The following TLE2 variants were observed in gnomAD, a reference collection of about 807,000 sequenced individuals.
The protein encoded by TLE2 is transducin-like enhancer protein 2.
A neutral mutation model predicts 97.2 loss-of-function variants in TLE2; 74 were observed. The ratio of observed to expected loss-of-function variants is 0.76; its 90% CI spans 0.63 to 0.92. The LOEUF (loss-of-function observed/expected upper bound fraction) is 0.92. TLE2 is among the 40% of genes least tolerant of loss of function. TLE2 has a pLI of 0.00. For missense variants in TLE2, 1,038 were observed against 1,008.7 expected (o/e 1.03, Z -0.39); for synonymous variants, 499 against 432.1 (o/e 1.15, Z -1.92).
At chr19:3,023,305 G>C (rs2089882427) in intron 5 of TLE2, among the ~76,000 whole-genome samples, 1 of 152,120 alleles carries the variant, frequency 6.6e-6, no homozygotes, top group African/African-American at 2.4e-5. Flanking sequence ...CAAAGTGCTG[G>C]GATTACAGGC....
chr19:3,008,455 C>CTT (rs34168841), intron 14 of TLE2, among the ~76,000 whole-genome samples: 20,163 of 143,332 alleles, frequency 0.14, 1,647 homozygotes, highest in East Asian at 0.25. Flanking sequence ...TTTCTTTTTT[C>CTT]TTTTTTTTTT....
At chr19:3,004,478 C>A (rs1223925064) in intron 17 of TLE2, among the ~76,000 whole-genome samples, 5 of 151,768 alleles carry the variant, frequency 3.3e-5, no homozygotes, top group Non-Finnish European at 7.4e-5. Context: ...TCTCTACCGA[C>A]AAATACAAAA....
intron 13 of TLE2, 97 bp from the exon 14 acceptor site, chr19:3,009,042 C>A (rs148411576): frequency 3.0e-5 from 29 of 966,476 alleles, no homozygotes; most frequent in Non-Finnish European, 4.4e-5. Flanking sequence ...CTGTTTATCA[C>A]CCCTCCCCAA....
At chr19:3,008,823 G>C in intron 14 of TLE2, 46 bp downstream of exon 14, 1 of 1,459,260 alleles carries the variant, frequency 6.9e-7, no homozygotes, top group Non-Finnish European at 9.2e-7. Flanking sequence ...AGGAGGTGGG[G>C]GGCTGGCCCG....
At chr19:3,013,330 G>A (rs564109829) in intron 11 of TLE2, among the ~76,000 whole-genome samples, 1 of 152,138 alleles carries the variant, frequency 6.6e-6, no homozygotes, top group Non-Finnish European at 1.5e-5. Flanking sequence ...ACACATGCAG[G>A]CCTGAGTCCA....
upstream of TLE2, among the ~76,000 whole-genome samples, chr19:3,030,673 C>T (rs1187710848): frequency 6.6e-6 from 1 of 152,130 alleles, no homozygotes; most frequent in Non-Finnish European, 1.5e-5. Context: ...CCTGTAGCTC[C>T]AGCACTTTGG....
chr19:3,008,936 C>A lies in TLE2; in HGVS notation c.1183G>T (p.Glu395Ter). 6.3e-7 allele frequency: 1 copy of A among 1,589,666 alleles called. No homozygotes were observed. The highest frequency in any genetic ancestry group is 8.6e-7 in the Non-Finnish European group (1 of 1,168,160). ...VYGRSPVMAF[E>*]SHPHLRGSSV... is the part of the protein sequence containing the mutation. ...GACCCTCGGAGATGGGGATGAGACT[C>A]AAATGCCATCTGTGAGAATGCCAGG... is the stretch of plus-strand genomic sequence containing the variant. Residue 395 changes from glutamate to a stop codon, truncating the protein, a stop_gained, in exon 14 of 20, where the codon GAG becomes TAG. Transcript: ENST00000262953. LOFTEE classifies it high-confidence loss of function.
intron 1 of TLE2, among the ~76,000 whole-genome samples, chr19:3,045,485 G>A (rs2090134893): frequency 6.6e-6 from 1 of 152,120 alleles, no homozygotes; most frequent in South Asian, 2.1e-4. Flanking sequence ...TCCCCCACCA[G>A]TCAGTGAGTC....
In TLE2 at chr19:3,009,707, G is replaced by A. The variant is rs369725523; in HGVS notation, c.1013-5C>T. 1.2e-4 allele frequency: 196 copies of A among 1,608,162 alleles called. No individual in the cohort carries two copies. In the African/African-American group the frequency reaches 1.7e-3, roughly 14 times the overall value. On this transcript the variant is annotated splice_region_variant and splice_polypyrimidine_tract_variant and intron_variant, in intron 12 of 19. Coordinates refer to ENST00000262953, the MANE Select transcript of TLE2 (RefSeq NM_003260.5). ...GAGTCAGGGGGCTCCTCAGGGCTGA[G>A]ACGGAAGAGTCGGGGACAGGTTTTG...
chr19:3,015,625 TC>T (rs1398136819), intron 9 of TLE2, 27 bp downstream of exon 9: 23 of 1,556,742 alleles, frequency 1.5e-5, no homozygotes, highest in Admixed American at 1.8e-5. Context: ...TGCACGCCCA[TC>T]CCAGTCCTGC....
intron 5 of TLE2, among the ~76,000 whole-genome samples, chr19:3,023,982 C>G (rs2089896782): frequency 6.7e-6 from 1 of 148,406 alleles, no homozygotes; most frequent in African/African-American, 2.5e-5. Flanking sequence ...GGGGCACTCT[C>G]AGAAGAGCTA....
chr19:3,011,201 G>C, intron 11 of TLE2, 41 bp from the exon 12 acceptor site: 1 of 1,533,768 alleles, frequency 6.5e-7, no homozygotes, highest in Non-Finnish European at 8.8e-7. Flanking sequence ...CAGGCACCTG[G>C]TGTCTTGTGG....
At position 3,011,007 on chromosome 19, in the gene TLE2, A is replaced by G; in HGVS notation, c.1012+15T>C. 1 of 1,598,394 alleles carries G rather than the reference A, an allele frequency of 6.3e-7. No homozygotes were observed. The highest frequency in any genetic ancestry group is 8.5e-7 in the Non-Finnish European group (1 of 1,173,838). On this transcript the variant is annotated intron_variant, in intron 12 of 19. Transcript: ENST00000262953. ...AGGCCTGCTCCAGACAGGCACCAAC[A>G]GGCAAGGTGCTCACCGACGCTGTCC...
intron 15 of TLE2, 197 bp downstream of exon 15, chr19:3,006,223 C>T (rs1160933700): frequency 2.5e-5 from 25 of 1,008,816 alleles, no homozygotes; most frequent in Admixed American, 1.1e-4. Context: ...CTTGCAAGTC[C>T]AATTCAGATT....
chr19:3,009,833 C>T, intron 12 of TLE2, 131 bp from the exon 13 acceptor site: 1 of 1,063,238 alleles, frequency 9.4e-7, no homozygotes, highest in Non-Finnish European at 1.3e-6. Context: ...TAGCCTGGGA[C>T]ACCTCCAGAC....
chr19:3,029,564 G>GGGT (rs1568252131), upstream of TLE2: 380 of 801,574 alleles, frequency 4.7e-4, 14 homozygotes, highest in African/African-American at 6.6e-3. Flanking sequence ...GGAGCGGGGG[G>GGGT]GGGGGCTTGC....
intron 19 of TLE2, among the ~76,000 whole-genome samples, chr19:2,998,466 C>T (rs2089275767): frequency 7.2e-6 from 1 of 139,000 alleles, no homozygotes; most frequent in Non-Finnish European, 1.6e-5. Context: ...TTAGAAGAGG[C>T]AGGGTTTCAC....
chr19:3,026,454 TTAAAAAAAA>T lies in TLE2; in HGVS notation c.231+1366_232-1373del, dbSNP rs1327390298. ...CAAGAGTGAAACTTTGTCTCAAAAT[TTAAAAAAAA>T]AAAAAAAAAAAAAAAATCTTTAGGT... On this transcript the variant is annotated intron_variant, in intron 4 of 19. Transcript: ENST00000262953. Among the ~76,000 whole-genome samples the T allele has an allele frequency of 9.4e-3, 988 of 104,588 alleles. 13 individuals carry two copies. The highest frequency in any genetic ancestry group is 0.038 in the African/African-American group (938 of 24,858). 68.6% of individuals were successfully genotyped at this position (104,588 alleles called of 152,430 possible).
upstream of TLE2, among the ~76,000 whole-genome samples, chr19:3,030,558 C>G (rs116496125): frequency 1.3e-5 from 2 of 152,012 alleles, no homozygotes; most frequent in East Asian, 1.9e-4. Flanking sequence ...CTTAGGTGAT[C>G]GAGTACCTAA....
Sources: gnomAD v4.1 joint callset for allele counts (sites outside exome capture counted in the v4.1 genomes callset) on GRCh38, gnomAD v4.1.1 for gene constraint, MANE v1.5 for transcripts, NCBI Gene and HGNC (gene_info 2026-07-23, HGNC 2026-07-21) for gene names.